Variants in DCLK1 observed in about 807,000 individuals in gnomAD.
DCLK1 encodes the protein doublecortin like kinase 1.
A neutral mutation model predicts 86.2 loss-of-function variants in DCLK1; 16 were observed. That is an observed-to-expected ratio of 0.19 (90% CI 0.13 to 0.28). The LOEUF is 0.28. Ranked by LOEUF, DCLK1 falls within the 10% of genes least tolerant of loss-of-function variation. The pLI is 1.00. For synonymous variants in DCLK1, 369 were observed against 370.5 expected (o/e 1.00, Z 0.05); for missense variants, 590 against 940.2 (o/e 0.63, Z 4.87).
chr13:35,994,985 G>A (rs2153144610), intron 3 of DCLK1, among the ~76,000 whole-genome samples: 1 of 152,312 alleles, frequency 6.6e-6, no homozygotes, highest in East Asian at 1.9e-4. Flanking sequence ...TGGAACTGCA[G>A]CACATTCAAT....
intron 4 of DCLK1, among the ~76,000 whole-genome samples, chr13:35,904,439 GC>G (rs1405836849): frequency 6.6e-6 from 1 of 152,136 alleles, no homozygotes; most frequent in Non-Finnish European, 1.5e-5. Context: ...TGATCTGCTC[GC>G]CCCAACCTCC....
chr13:35,900,301 C>T (rs1332164141), intron 4 of DCLK1, among the ~76,000 whole-genome samples: 1 of 148,804 alleles, frequency 6.7e-6, no homozygotes, highest in African/African-American at 2.5e-5. Flanking sequence ...AGTGCAGTGG[C>T]ACCATCTTGG....
At chr13:36,036,543 G>A (rs1311819810) in intron 3 of DCLK1, among the ~76,000 whole-genome samples, 1 of 152,036 alleles carries the variant, frequency 6.6e-6, no homozygotes, top group Non-Finnish European at 1.5e-5. Context: ...CATTTACTAC[G>A]GATTGTAATC....
At chr13:35,880,348 T>G (rs191097732) in intron 4 of DCLK1, among the ~76,000 whole-genome samples, 1 of 152,116 alleles carries the variant, frequency 6.6e-6, no homozygotes, top group Non-Finnish European at 1.5e-5. Flanking sequence ...CGAACCCGAG[T>G]GTTGCAGAAG....
chr13:36,061,144 T>G (rs186905547), intron 3 of DCLK1, among the ~76,000 whole-genome samples: 1 of 152,198 alleles, frequency 6.6e-6, no homozygotes, highest in East Asian at 1.9e-4. Flanking sequence ...ACCATGAGCC[T>G]GGATAGAATT....
intron 16 of DCLK1, among the ~76,000 whole-genome samples, chr13:35,781,935 G>C (rs1319714523): frequency 6.6e-6 from 1 of 152,116 alleles, no homozygotes; most frequent in Non-Finnish European, 1.5e-5. Context: ...CTTACTCTCA[G>C]GCTTATTGCA....
intron 4 of DCLK1, among the ~76,000 whole-genome samples, chr13:35,920,072 C>T (rs1290776899): frequency 1.3e-5 from 2 of 152,082 alleles, no homozygotes; most frequent in African/African-American, 4.8e-5. Flanking sequence ...ATGTGTGATC[C>T]TCGTGTTTCA....
intron 6 of DCLK1, chr13:35,849,743 A>G (rs571356368): frequency 3.0e-6 from 3 of 985,270 alleles, no homozygotes; most frequent in Non-Finnish European, 3.6e-6. Flanking sequence ...AAGATTGAGA[A>G]TTTTTCAGAG....
At chr13:35,836,442 A>G (rs200182453) in intron 7 of DCLK1, among the ~76,000 whole-genome samples, 2 of 152,182 alleles carry the variant, frequency 1.3e-5, no homozygotes, top group East Asian at 3.8e-4. Flanking sequence ...CTTTTACTTC[A>G]CGCCAATTTG....
chr13:35,855,844 A>C (rs968192877), intron 5 of DCLK1: 1 of 1,182,492 alleles, frequency 8.5e-7, no homozygotes, highest in African/African-American at 1.5e-5. Context: ...AGTACTTTGC[A>C]CTGAATCATA....
chr13:35,796,259 G>A (rs2086809593), intron 15 of DCLK1, among the ~76,000 whole-genome samples: 1 of 152,168 alleles, frequency 6.6e-6, no homozygotes, highest in South Asian at 2.1e-4. Context: ...TTTCAATGAT[G>A]AGATACTTTG....
intron 3 of DCLK1, among the ~76,000 whole-genome samples, chr13:36,091,737 A>G (rs1884834620): frequency 6.6e-6 from 1 of 152,224 alleles, no homozygotes; most frequent in East Asian, 1.9e-4. Flanking sequence ...AAGCACTTGA[A>G]GTTGACAGTA....
chr13:35,951,969 G>A (rs1156335995), intron 3 of DCLK1, among the ~76,000 whole-genome samples: 2 of 152,136 alleles, frequency 1.3e-5, no homozygotes, highest in Admixed American at 6.5e-5. Flanking sequence ...TAAGAGCACA[G>A]CACTATCAAC....
chr13:35,918,297 A>G (rs1162392003), intron 4 of DCLK1, among the ~76,000 whole-genome samples: 1 of 152,236 alleles, frequency 6.6e-6, no homozygotes, highest in East Asian at 1.9e-4. Flanking sequence ...TATGTTTGTC[A>G]GAGGTGGTTG....
intron 10 of DCLK1, among the ~76,000 whole-genome samples, chr13:35,827,423 A>G (rs1292265622): frequency 3.3e-5 from 5 of 152,192 alleles, no homozygotes. Flanking sequence ...AGTGAGACAT[A>G]AAGAGGTAGA....
At chr13:36,070,214 C>T (rs1356754363) in intron 3 of DCLK1, among the ~76,000 whole-genome samples, 5 of 152,158 alleles carry the variant, frequency 3.3e-5, no homozygotes, top group African/African-American at 1.2e-4. Context: ...GAGGCAATAA[C>T]AGCATCTTCC....
In DCLK1 at chr13:36,111,854, C is replaced by A; in HGVS notation, c.723+15G>T. ...TTGCCTTAAAGTCAAAGTCACATCACAATATGTCTCTTACCTGTTTCCCAT... is the reference window on the plus strand; with the variant it reads ...TTGCCTTAAAGTCAAAGTCACATCAAAATATGTCTCTTACCTGTTTCCCAT... On this transcript the variant is annotated intron_variant, in intron 3 of 16. Coordinates refer to ENST00000360631, the MANE Select transcript of DCLK1 (RefSeq NM_001330071.2). 1 of 1,598,858 alleles carries A rather than the reference C, an allele frequency of 6.3e-7. No homozygotes were observed. Among genetic ancestry groups the A allele is most frequent in the Non-Finnish European group, 8.5e-7 (1 of 1,169,644 alleles).
At chr13:35,777,237 T>C (rs1196269377) in intron 16 of DCLK1, among the ~76,000 whole-genome samples, 1 of 152,174 alleles carries the variant, frequency 6.6e-6, no homozygotes, top group Non-Finnish European at 1.5e-5. Context: ...GCATGTGTCA[T>C]GAGTGGTTCA....
intron 3 of DCLK1, among the ~76,000 whole-genome samples, chr13:35,992,603 G>T (rs1880284629): frequency 6.6e-6 from 1 of 152,090 alleles, no homozygotes; most frequent in South Asian, 2.1e-4. Flanking sequence ...TGGCCTTGCT[G>T]ATTTTCCTTC....
Sources: gnomAD v4.1 joint callset for allele counts (sites outside exome capture counted in the v4.1 genomes callset) on GRCh38, gnomAD v4.1.1 for gene constraint, MANE v1.5 for transcripts, NCBI Gene and HGNC (gene_info 2026-07-23, HGNC 2026-07-21) for gene names.